Variants in IQCM observed in about 807,000 individuals in gnomAD.
IQCM encodes IQ motif containing M, also known as IQ domain-containing protein M.
A neutral mutation model predicts 57.6 loss-of-function variants in IQCM; 45 were observed. That is an observed-to-expected ratio of 0.78 (90% CI 0.62 to 1.00). IQCM has a LOEUF of 1.00. Among genes scored for constraint, IQCM ranks in the 50% least tolerant of loss-of-function variants. IQCM has a pLI of 0.00. For synonymous variants in IQCM, 148 were observed against 158.9 expected (o/e 0.93, Z 0.51); for missense variants, 468 against 511.6 (o/e 0.91, Z 0.82).
intron 7 of IQCM, among the ~76,000 whole-genome samples, chr4:149,623,005 T>G (rs1756482268): frequency 6.6e-6 from 1 of 152,184 alleles, no homozygotes; most frequent in Non-Finnish European, 1.5e-5. Context: ...ATGTAAATAC[T>G]GGTGAATAAG....
At chr4:149,361,880 T>C (rs967215612) in intron 13 of IQCM, among the ~76,000 whole-genome samples, 1 of 151,994 alleles carries the variant, frequency 6.6e-6, no homozygotes, top group Admixed American at 6.6e-5. Context: ...GCTAAATCCA[T>C]CAACAGCTTG....
At chr4:149,812,905 T>C (rs901926303) in intron 2 of IQCM, among the ~76,000 whole-genome samples, 5 of 152,174 alleles carry the variant, frequency 3.3e-5, no homozygotes, top group Non-Finnish European at 7.3e-5. Context: ...TTTTACTTTG[T>C]TGTAATAGTT....
At chr4:149,723,815 G>A (rs530957181) in intron 5 of IQCM, among the ~76,000 whole-genome samples, 1 of 152,040 alleles carries the variant, frequency 6.6e-6, no homozygotes, top group South Asian at 2.1e-4. Flanking sequence ...AATGAGTTAG[G>A]GTGGATTTCC....
intron 12 of IQCM, among the ~76,000 whole-genome samples, chr4:149,512,526 A>G (rs994710690): frequency 1.1e-4 from 16 of 152,162 alleles, no homozygotes; most frequent in Non-Finnish European, 4.4e-5. Context: ...TATTAGGTTT[A>G]ATTTCTTTCT....
chr4:149,728,095 T>C (rs1484845791), intron 5 of IQCM, among the ~76,000 whole-genome samples: 1 of 152,216 alleles, frequency 6.6e-6, no homozygotes, highest in Non-Finnish European at 1.5e-5. Flanking sequence ...GTTCTGTTCT[T>C]ATACAGTCTC....
chr4:149,554,952 G>T (rs1366169494), intron 10 of IQCM, among the ~76,000 whole-genome samples: 1 of 152,006 alleles, frequency 6.6e-6, no homozygotes, highest in Non-Finnish European at 1.5e-5. Flanking sequence ...GCCTGCCTCG[G>T]CCTCCCAAAG....
intron 12 of IQCM, among the ~76,000 whole-genome samples, chr4:149,481,822 T>C (rs1271211656): frequency 6.6e-6 from 1 of 151,254 alleles, no homozygotes; most frequent in Non-Finnish European, 1.5e-5. Context: ...TCATTGGTAT[T>C]TTGACAGGAA....
At chr4:149,713,408 C>G (rs988035876) in intron 5 of IQCM, among the ~76,000 whole-genome samples, 1 of 152,144 alleles carries the variant, frequency 6.6e-6, no homozygotes, top group African/African-American at 2.4e-5. Flanking sequence ...TTTCTATCCA[C>G]CCTGTGGTGT....
intron 13 of IQCM, among the ~76,000 whole-genome samples, chr4:149,410,262 C>T (rs187809994): frequency 6.6e-6 from 1 of 152,190 alleles, no homozygotes; most frequent in Non-Finnish European, 1.5e-5. Context: ...CTCCCATTTG[C>T]ACCCTAGCAC....
chr4:149,613,588 C>A (rs559528728), intron 8 of IQCM, among the ~76,000 whole-genome samples: 1 of 151,412 alleles, frequency 6.6e-6, no homozygotes, highest in Non-Finnish European at 1.5e-5. Flanking sequence ...TTTAATTATA[C>A]TTTAAGTTTT....
At position 149,735,385 on chromosome 4, in the gene IQCM, T is replaced by C; in HGVS notation, c.111A>G (p.Lys37=). The C allele has an allele frequency of 2.4e-6, 3 of 1,226,832 alleles. No individual in the cohort carries two copies. Among genetic ancestry groups the C allele is most frequent in the Non-Finnish European group, 3.1e-6 (3 of 983,400 alleles). The allele number at this position is 1,226,832 out of a possible 1,614,324, so 76.0% of individuals were successfully genotyped here. A position where few individuals can be genotyped will look rare whatever the true frequency, so the allele number is the denominator to read the frequency against. ...AATGCAAAGGACTAACCTCATTTAT[T>C]TTCTCATAATGTTGGGCAATGAGAG... is the stretch of plus-strand genomic sequence containing the variant. The part of the protein sequence containing the change: ...AKTLIAQHYE[K]INENKVQGTS... Residue 37 remains lysine, a synonymous_variant, in exon 4 of 14, where the codon AAA becomes AAG. Coordinates refer to ENST00000636793, the MANE Select transcript of IQCM (RefSeq NM_001363507.2).
rs528713918 is a variant in IQCM at position 149,568,608 on chromosome 4, G to A, written c.750-4718C>T. On this transcript the variant is annotated intron_variant, in intron 9 of 13. Coordinates refer to ENST00000636793, the MANE Select transcript of IQCM (RefSeq NM_001363507.2). ...TCAAGACCAGCCTGAGCCACAAGGT[G>A]AAACTCTGTCTCTACAAAAATGACT... Among the ~76,000 whole-genome samples the A allele has an allele frequency of 2.0e-5, 3 of 152,144 alleles. No individual in the cohort carries two copies. The East Asian group carries it at 5.8e-4, about 30-fold the overall frequency.
chr4:149,634,289 A>G lies in IQCM; in HGVS notation c.566-13045T>C, dbSNP rs560350784. On this transcript the variant is annotated intron_variant, in intron 7 of 13. Transcript: ENST00000636793. The stretch of plus-strand genomic sequence containing the variant: ...CTCCCAAAGTGAGCTTTTTCTTTTC[A>G]GTATTTAGAAAACATACCTTGCAAT... Among the ~76,000 whole-genome samples the G allele has an allele frequency of 1.5e-4, 23 of 152,096 alleles. No homozygotes were observed. In the South Asian group the frequency reaches 1.9e-3, roughly 12 times the overall value.
intron 11 of IQCM, among the ~76,000 whole-genome samples, chr4:149,549,075 T>A (rs1560978741): frequency 6.6e-6 from 1 of 152,188 alleles, no homozygotes; most frequent in Non-Finnish European, 1.5e-5. Context: ...AATGTCTACT[T>A]TTTGCTCACT....
chr4:149,815,613 T>C lies in IQCM; in HGVS notation c.-100A>G, dbSNP rs1774991265. On this transcript the variant is annotated 5_prime_UTR_variant, in exon 1 of 14. Coordinates refer to ENST00000636793, the MANE Select transcript of IQCM (RefSeq NM_001363507.2). ...TTAATTACTTACCTTTCTGCCTTAG[T>C]TCCAACAAAACTTCTAGAAACAAAT... 1.3e-5 allele frequency: 2 copies of C among 152,108 alleles called. No homozygotes were observed. Among genetic ancestry groups the C allele is most frequent in the East Asian group, 3.9e-4 (2 of 5,188 alleles). The allele number at this position is 152,108 out of a possible 1,614,324, so 9.4% of individuals were successfully genotyped here.
chr4:149,516,565 G>A (rs546040226), intron 12 of IQCM, among the ~76,000 whole-genome samples: 11 of 152,264 alleles, frequency 7.2e-5, no homozygotes, highest in Non-Finnish European at 1.5e-4. Context: ...CAGGGCTGGA[G>A]CAAAGTTCTC....
intron 13 of IQCM, among the ~76,000 whole-genome samples, chr4:149,358,132 C>G (rs1251708665): frequency 2.6e-5 from 4 of 152,062 alleles, no homozygotes; most frequent in Non-Finnish European, 5.9e-5. Context: ...TGATTCTTCT[C>G]TGTTTTCTTC....
intron 12 of IQCM, among the ~76,000 whole-genome samples, chr4:149,462,066 T>A (rs13102294): frequency 0.6 from 91,128 of 151,914 alleles, 27,978 homozygotes; most frequent in African/African-American, 0.72. Context: ...TATACTGTAC[T>A]TAAAAAGGTT....
In IQCM at chr4:149,699,520, T is replaced by C. The variant is rs538457444; in HGVS notation, c.386-13052A>G. The stretch of plus-strand genomic sequence containing the variant: ...CTCAGGCTTACTGGGCTCTAGTCCA[T>C]CTGATGGAAAGATAGAGGCATATAT... On this transcript the variant is annotated intron_variant, in intron 5 of 13. Transcript: ENST00000636793. Among the ~76,000 whole-genome samples, 16 of 151,846 alleles carry C rather than the reference T, an allele frequency of 1.1e-4. No homozygotes were observed. In the South Asian group the frequency reaches 3.3e-3, roughly 32 times the overall value.
Sources: gnomAD v4.1 joint callset for allele counts (sites outside exome capture counted in the v4.1 genomes callset) on GRCh38, gnomAD v4.1.1 for gene constraint, MANE v1.5 for transcripts, NCBI Gene and HGNC (gene_info 2026-07-23, HGNC 2026-07-21) for gene names.